Variants in LMO7 observed in about 807,000 individuals in gnomAD.
LMO7 encodes the protein LIM domain only protein 7.
Under a neutral mutation model 206.5 loss-of-function variants are expected in LMO7, and 120 were observed. The ratio of observed to expected loss-of-function variants is 0.58; its 90% CI spans 0.50 to 0.68. The LOEUF (loss-of-function observed/expected upper bound fraction) is 0.68, where lower values mean the gene tolerates loss of function less well. Among genes scored for constraint, LMO7 ranks in the 30% least tolerant of loss-of-function variants. The pLI, the probability that LMO7 is intolerant of heterozygous loss-of-function variation, is 0.00. For synonymous variants in LMO7, 706 were observed against 681.5 expected, an observed-to-expected ratio of 1.04 and a Z score of -0.56; for missense variants, 1,959 against 1,957.9, an observed-to-expected ratio of 1.00 and a Z score of -0.01.
At chr13:75,634,729 C>T (rs867793313), upstream of LMO7, among the ~76,000 whole-genome samples, 1 of 148,658 alleles carries the variant, frequency 6.7e-6, no homozygotes, top group African/African-American at 2.5e-5. Context: ...GGCGACAGAG[C>T]GAGACTCCTC....
rs1274441879 is a variant in LMO7 at position 75,859,401 on chromosome 13, A to G, written c.*1458A>G. ...GTTTGAATTCATTCTGCATATAATT[A>G]TTTATAAGTATAGATTGTGAATTTT... is the stretch of plus-strand genomic sequence containing the variant. On this transcript the variant is annotated 3_prime_UTR_variant, in exon 31 of 31. Coordinates refer to ENST00000377534, the MANE Select transcript of LMO7 (RefSeq NM_001306080.2). 6.6e-6 allele frequency: 1 copy of G among 152,168 alleles called. No individual in the cohort carries two copies. The highest frequency in any genetic ancestry group is 1.5e-5 in the Non-Finnish European group (1 of 68,014). 9.4% of individuals were successfully genotyped at this position (152,168 alleles called of 1,614,324 possible).
chr13:75,756,953 G>A (rs908313468), intron 3 of LMO7, among the ~76,000 whole-genome samples: 1 of 152,158 alleles, frequency 6.6e-6, no homozygotes, highest in African/African-American at 2.4e-5. Flanking sequence ...GTAGTAGACA[G>A]TCCCCCAGAA....
chr13:75,765,434 G>A (rs1290694107), intron 4 of LMO7, among the ~76,000 whole-genome samples: 1 of 147,224 alleles, frequency 6.8e-6, no homozygotes, highest in Non-Finnish European at 1.5e-5. Flanking sequence ...CTTGAGCATG[G>A]TGACTTCCAC....
chr13:75,760,670 T>C (rs1172365489), intron 3 of LMO7: 1 of 1,512,878 alleles, frequency 6.6e-7, no homozygotes, highest in African/African-American at 1.4e-5. Flanking sequence ...TAACAGGTAA[T>C]GTTTAACGTG....
At chr13:75,815,008 A>T (rs1287625204) in intron 11 of LMO7, among the ~76,000 whole-genome samples, 3 of 152,006 alleles carry the variant, frequency 2.0e-5, no homozygotes, top group African/African-American at 7.2e-5. Flanking sequence ...TTTTGGAAGA[A>T]CCTGTCTTTA....
chr13:75,687,537 CTT>C lies in LMO7; in HGVS notation c.70-25637_70-25636del, dbSNP rs966004089. 9.6e-4 allele frequency among the ~76,000 whole-genome samples: 146 copies of C among 151,420 alleles called. 1 individual carries two copies. Among genetic ancestry groups the C allele is most frequent in the African/African-American group, 3.5e-3 (144 of 41,264 alleles). ...TAAAATACATTTTTTTTCACTCAAA[CTT>C]TTTTTTTCCAAGCAGAGTTACTCTA... On this transcript the variant is annotated intron_variant, in intron 1 of 30. Coordinates refer to ENST00000377534, the MANE Select transcript of LMO7 (RefSeq NM_001306080.2).
chr13:75,635,028 C>CAAAACAAAA (rs1555284011), upstream of LMO7, among the ~76,000 whole-genome samples: 1 of 135,690 alleles, frequency 7.4e-6, no homozygotes, highest in African/African-American at 2.5e-5. Flanking sequence ...CAAAACAAAA[C>CAAAACAAAA]AAAACAAAAC....
At chr13:75,845,881 A>G (rs906930687) in intron 26 of LMO7, among the ~76,000 whole-genome samples, 2 of 152,218 alleles carry the variant, frequency 1.3e-5, no homozygotes, top group Non-Finnish European at 2.9e-5. Context: ...TTATGTAACT[A>G]TGAAAAAAAA....
chr13:75,695,415 G>A (rs909782392), intron 1 of LMO7, among the ~76,000 whole-genome samples: 6 of 152,212 alleles, frequency 3.9e-5, no homozygotes, highest in African/African-American at 1.4e-4. Context: ...AGGCTGGAGT[G>A]CACTCACTGC....
intron 2 of LMO7, among the ~76,000 whole-genome samples, chr13:75,717,221 G>T (rs995920617): frequency 4.0e-5 from 6 of 151,768 alleles, no homozygotes; most frequent in Non-Finnish European, 5.9e-5. Flanking sequence ...AAATTAGCCG[G>T]GTGTGGTGGC....
In LMO7 at chr13:75,688,142, T is replaced by C. The variant is rs143571019; in HGVS notation, c.70-25040T>C. ...AACTGTGAGTCCATTAAGCCTGTTT[T>C]TCTTTATACATTACCCAGTCTTGGG... is the stretch of plus-strand genomic sequence containing the variant. On this transcript the variant is annotated intron_variant, in intron 1 of 30. Transcript: ENST00000377534. Among the ~76,000 whole-genome samples the C allele has an allele frequency of 5.5e-3, 838 of 152,292 alleles. 4 individuals are homozygous for C. The highest frequency in any genetic ancestry group is 9.4e-3 in the Non-Finnish European group (640 of 68,032).
At chr13:75,731,987 C>CAGG in intron 3 of LMO7, among the ~76,000 whole-genome samples, 1 of 152,244 alleles carries the variant, frequency 6.6e-6, no homozygotes, top group Admixed American at 6.5e-5. Flanking sequence ...TTTCTGCTGA[C>CAGG]AGATCCGCTG....
chr13:75,783,571 C>T (rs1371418696), intron 4 of LMO7, among the ~76,000 whole-genome samples: 1 of 152,164 alleles, frequency 6.6e-6, no homozygotes, highest in Non-Finnish European at 1.5e-5. Context: ...GATTACCCCA[C>T]CTCATCCTCT....
chr13:75,630,608 A>C (rs1214211096), intron 2 of LMO7, among the ~76,000 whole-genome samples: 1 of 152,200 alleles, frequency 6.6e-6, no homozygotes, highest in Non-Finnish European at 1.5e-5. Context: ...CGGGAGGCTG[A>C]GGTTGAAATG....
intron 4 of LMO7, among the ~76,000 whole-genome samples, chr13:75,791,725 G>C (rs561409548): frequency 6.6e-6 from 1 of 152,284 alleles, no homozygotes; most frequent in South Asian, 2.1e-4. Context: ...AGGTGGGCTA[G>C]TTGCAGTTCT....
chr13:75,715,518 C>T (rs1269172489), intron 2 of LMO7, among the ~76,000 whole-genome samples: 1 of 152,176 alleles, frequency 6.6e-6, no homozygotes, highest in African/African-American at 2.4e-5. Flanking sequence ...ACCCAGTATT[C>T]TTTAAATTAA....
At chr13:75,715,721 C>T (rs1224262051) in intron 2 of LMO7, among the ~76,000 whole-genome samples, 2 of 152,110 alleles carry the variant, frequency 1.3e-5, no homozygotes, top group Admixed American at 6.5e-5. Context: ...AATAAAAAGC[C>T]CAGATAACCA....
At chr13:75,685,066 A>G (rs1187360388) in intron 1 of LMO7, among the ~76,000 whole-genome samples, 1 of 152,166 alleles carries the variant, frequency 6.6e-6, no homozygotes, top group East Asian at 1.9e-4. Context: ...AAGCAGCAAT[A>G]CTGGAAACTG....
Position 75,678,519 on chromosome 13 carries a change from G to A in LMO7, c.70-34663G>A, listed in dbSNP as rs2040217658. 3.3e-5 allele frequency among the ~76,000 whole-genome samples: 5 copies of A among 152,224 alleles called. No individual in the cohort carries two copies. The South Asian group carries it at 8.3e-4, about 25-fold the overall frequency. On this transcript the variant is annotated intron_variant, in intron 1 of 30. Transcript: ENST00000377534. ...AAAGTTTCCAAATGGGGCTCTGTGA[G>A]CAAAGCTCTCAGATGGTGATGGTGG... is the stretch of plus-strand genomic sequence containing the variant.
Sources: allele counts gnomAD v4.1 joint callset (sites outside exome capture counted in the v4.1 genomes callset), GRCh38; gene constraint gnomAD v4.1.1; transcripts MANE v1.5; gene names NCBI Gene and HGNC (gene_info 2026-07-23, HGNC 2026-07-21).